GPC6: variants seen among roughly 807,000 people sequenced by gnomAD.
GPC6 encodes glypican-6.
Under a neutral mutation model 55.2 loss-of-function variants are expected in GPC6, and 14 were observed. The ratio of observed to expected loss-of-function variants is 0.25; its 90% CI spans 0.17 to 0.40. The LOEUF (loss-of-function observed/expected upper bound fraction) is 0.40. Among genes scored for constraint, GPC6 ranks in the 10% least tolerant of loss-of-function variants. The probability of loss-of-function intolerance (pLI) is 1.00; values close to 1 mark genes in which losing one functional copy is unlikely to be tolerated. For missense variants in GPC6, 641 were observed against 708.5 expected, an observed-to-expected ratio of 0.90 and a Z score of 1.08; for synonymous variants, 278 against 259.6, an observed-to-expected ratio of 1.07 and a Z score of -0.68.
chr13:93,993,901 G>A (rs1163773478), intron 3 of GPC6, among the ~76,000 whole-genome samples: 2 of 152,108 alleles, frequency 1.3e-5, no homozygotes, highest in Admixed American at 1.3e-4. Context: ...ACCCCATACT[G>A]TATGTGGGAA....
intron 6 of GPC6, among the ~76,000 whole-genome samples, chr13:94,327,587 G>A (rs910416008): frequency 2.6e-5 from 4 of 152,178 alleles, no homozygotes; most frequent in African/African-American, 7.2e-5. Flanking sequence ...GTCTGCTCAC[G>A]AAACTGACAC....
intron 8 of GPC6, 51 bp from the exon 9 acceptor site, chr13:94,402,964 A>T: frequency 7.6e-7 from 1 of 1,316,812 alleles, no homozygotes. Context: ...GGGGCCACAA[A>T]GCCTAAACAT....
chr13:94,031,403 G>C (rs1566312043), intron 4 of GPC6, among the ~76,000 whole-genome samples: 3 of 152,110 alleles, frequency 2.0e-5, no homozygotes, highest in Admixed American at 2.0e-4. Context: ...TAGTGTATGG[G>C]GTTCCCCAGG....
intron 1 of GPC6, among the ~76,000 whole-genome samples, chr13:93,231,460 CTA>C: frequency 7.0e-6 from 1 of 142,454 alleles, no homozygotes; most frequent in South Asian, 2.2e-4. Context: ...TTATTAATCA[CTA>C]TATACATATA....
chr13:93,971,747 G>A (rs1396895643), intron 3 of GPC6, among the ~76,000 whole-genome samples: 1 of 152,196 alleles, frequency 6.6e-6, no homozygotes, highest in Admixed American at 6.5e-5. Context: ...CTTGCCCTTA[G>A]TGACAGGATT....
chr13:93,427,365 A>G (rs1047401380), intron 1 of GPC6, among the ~76,000 whole-genome samples: 2 of 151,798 alleles, frequency 1.3e-5, no homozygotes, highest in African/African-American at 4.8e-5. Flanking sequence ...ACAAGGCTAC[A>G]GTAACCAAAA....
intron 4 of GPC6, among the ~76,000 whole-genome samples, chr13:94,063,666 C>T (rs1165688658): frequency 6.6e-6 from 1 of 152,106 alleles, no homozygotes; most frequent in Non-Finnish European, 1.5e-5. Flanking sequence ...CCCGAGCCTT[C>T]CTAGCTCATC....
At chr13:93,648,836 G>A (rs1364908668) in intron 2 of GPC6, among the ~76,000 whole-genome samples, 2 of 152,086 alleles carry the variant, frequency 1.3e-5, no homozygotes, top group Admixed American at 6.6e-5. Context: ...CCCATGTCAC[G>A]CAAAACTTAT....
intron 2 of GPC6, among the ~76,000 whole-genome samples, chr13:93,751,969 A>G (rs1388019618): frequency 1.3e-5 from 2 of 152,028 alleles, no homozygotes; most frequent in African/African-American, 2.4e-5. Context: ...GCCCTTTAAT[A>G]ATTCTCTCAG....
chr13:93,314,640 A>G (rs1879180212), intron 1 of GPC6, among the ~76,000 whole-genome samples: 1 of 152,028 alleles, frequency 6.6e-6, no homozygotes, highest in African/African-American at 2.4e-5. Flanking sequence ...CATGAGCATA[A>G]CTGCAGCAGA....
At chr13:94,196,933 G>A (rs1889595417) in intron 4 of GPC6, among the ~76,000 whole-genome samples, 1 of 152,190 alleles carries the variant, frequency 6.6e-6, no homozygotes, top group South Asian at 2.1e-4. Context: ...TTAGTCAGAT[G>A]CATGGTAATA....
chr13:93,810,753 T>C (rs1041235040), intron 2 of GPC6, among the ~76,000 whole-genome samples: 2 of 152,164 alleles, frequency 1.3e-5, no homozygotes, highest in Non-Finnish European at 2.9e-5. Flanking sequence ...GGGAAAACAT[T>C]AGCTGATGCC....
intron 3 of GPC6, among the ~76,000 whole-genome samples, chr13:93,939,547 CG>C (rs1157590337): frequency 5.9e-5 from 9 of 151,724 alleles, no homozygotes; most frequent in East Asian, 3.9e-4. Context: ...CTTAGAGTTA[CG>C]TTTTTTTTCA....
At chr13:93,802,077 T>C (rs1165799801) in intron 2 of GPC6, among the ~76,000 whole-genome samples, 8 of 152,174 alleles carry the variant, frequency 5.3e-5, no homozygotes, top group Non-Finnish European at 1.5e-5. Context: ...TTCCCAGTAG[T>C]TTTATTTTTA....
intron 1 of GPC6, among the ~76,000 whole-genome samples, chr13:93,505,935 A>G (rs1880694911): frequency 6.6e-6 from 1 of 152,198 alleles, no homozygotes; most frequent in African/African-American, 2.4e-5. Flanking sequence ...CTGTGTATCT[A>G]TTATAAAATA....
chr13:93,516,547 G>A (rs913718953), intron 1 of GPC6, among the ~76,000 whole-genome samples: 1 of 151,946 alleles, frequency 6.6e-6, no homozygotes, highest in African/African-American at 2.4e-5. Context: ...ACCAGTAAAA[G>A]GTTTCTGAAC....
chr13:94,226,837 C>T (rs1055377889), intron 4 of GPC6, among the ~76,000 whole-genome samples: 1 of 152,150 alleles, frequency 6.6e-6, no homozygotes, highest in Non-Finnish European at 1.5e-5. Flanking sequence ...AGGGTTGTAC[C>T]ATCCAGGCCT....
At chr13:93,680,616 G>A (rs982519920) in intron 2 of GPC6, among the ~76,000 whole-genome samples, 4 of 152,136 alleles carry the variant, frequency 2.6e-5, no homozygotes, top group African/African-American at 7.2e-5. Flanking sequence ...GAAATACAGA[G>A]TAAAGTCTCA....
rs554746656 is a variant in GPC6 at position 93,361,492 on chromosome 13, A to T, written c.160+133876A>T. 7.2e-5 allele frequency among the ~76,000 whole-genome samples: 11 copies of T among 152,296 alleles called. No individual in the cohort carries two copies. The South Asian group carries it at 2.1e-3, about 29-fold the overall frequency. ...GCATCATGCCATAGATGTTCATAAG[A>T]TATAGAACAGACATTCATAGCCATT... On this transcript the variant is annotated intron_variant, in intron 1 of 8. Coordinates refer to ENST00000377047, the MANE Select transcript of GPC6 (RefSeq NM_005708.5).
Sources: gnomAD v4.1 joint callset for allele counts (sites outside exome capture counted in the v4.1 genomes callset) on GRCh38, gnomAD v4.1.1 for gene constraint, MANE v1.5 for transcripts, NCBI Gene and HGNC (gene_info 2026-07-23, HGNC 2026-07-21) for gene names.